Variants in ZNF385D observed in about 807,000 individuals in gnomAD.
ZNF385D encodes zinc finger protein 659.
Under a neutral mutation model 35.8 loss-of-function variants are expected in ZNF385D, and 15 were observed. That is an observed-to-expected ratio of 0.42 (90% CI 0.28 to 0.64). ZNF385D has a LOEUF of 0.64. ZNF385D is among the 30% of genes least tolerant of loss of function. ZNF385D has a pLI of 0.23. For missense variants in ZNF385D, 474 were observed against 494.6 expected (o/e 0.96, Z 0.39); for synonymous variants, 212 against 186.8 (o/e 1.13, Z -1.10).
chr3:21,969,038 G>A (rs1367636611), intron 3 of ZNF385D, among the ~76,000 whole-genome samples: 1 of 152,140 alleles, frequency 6.6e-6, no homozygotes, highest in Non-Finnish European at 1.5e-5. Flanking sequence ...GCTGACTGAA[G>A]AGCCCTTGGG....
chr3:22,370,169 T>C (rs1381964165), intron 2 of ZNF385D, among the ~76,000 whole-genome samples: 1 of 152,168 alleles, frequency 6.6e-6, no homozygotes, highest in African/African-American at 2.4e-5. Flanking sequence ...TTAATGGAAA[T>C]TTAAAATCCT....
chr3:21,945,342 A>T (rs1294880216), intron 3 of ZNF385D, among the ~76,000 whole-genome samples: 1 of 152,032 alleles, frequency 6.6e-6, no homozygotes, highest in African/African-American at 2.4e-5. Flanking sequence ...TTTTTAACCA[A>T]TGTGAATGTT....
chr3:21,913,299 T>C (rs926683596), intron 3 of ZNF385D, among the ~76,000 whole-genome samples: 7 of 152,080 alleles, frequency 4.6e-5, no homozygotes, highest in African/African-American at 1.7e-4. Flanking sequence ...AGTAGAGTAC[T>C]TCTAACTGTA....
At chr3:21,588,614 TAA>T (rs1178781668) in intron 2 of ZNF385D, among the ~76,000 whole-genome samples, 2 of 152,148 alleles carry the variant, frequency 1.3e-5, no homozygotes, top group African/African-American at 2.4e-5. Flanking sequence ...AAATAATTTT[TAA>T]AAGTCTGTTT....
chr3:21,694,811 G>T (rs7628221), intron 1 of ZNF385D, among the ~76,000 whole-genome samples: 2 of 151,640 alleles, frequency 1.3e-5, no homozygotes, highest in East Asian at 1.9e-4. Context: ...GTGTAGTGTC[G>T]GGCCAGTTAT....
At chr3:21,759,342 C>T (rs76342243) in intron 3 of ZNF385D, among the ~76,000 whole-genome samples, 113 of 146,284 alleles carry the variant, frequency 7.7e-4, no homozygotes, top group Middle Eastern at 3.4e-3. Context: ...TCTGGGAGAC[C>T]AAGGACAAAT....
chr3:22,072,554 C>A (rs1700279693), intron 3 of ZNF385D, among the ~76,000 whole-genome samples: 1 of 151,588 alleles, frequency 6.6e-6, no homozygotes, highest in African/African-American at 2.4e-5. Flanking sequence ...TATAGAGTTG[C>A]AATTTTTAGG....
intron 2 of ZNF385D, among the ~76,000 whole-genome samples, chr3:21,632,725 G>A (rs1385632202): frequency 1.3e-5 from 2 of 152,096 alleles, no homozygotes; most frequent in Non-Finnish European, 2.9e-5. Flanking sequence ...CTAATTTGTA[G>A]TGGGTCATAC....
intron 1 of ZNF385D, among the ~76,000 whole-genome samples, chr3:21,676,412 C>T (rs951183008): frequency 2.0e-5 from 3 of 152,014 alleles, no homozygotes; most frequent in African/African-American, 2.4e-5. Context: ...TCTTTTAATT[C>T]TGAAACATTT....
At chr3:21,573,932 C>T (rs935717572) in intron 2 of ZNF385D, among the ~76,000 whole-genome samples, 9 of 151,632 alleles carry the variant, frequency 5.9e-5, no homozygotes, top group South Asian at 4.2e-4. Context: ...TGGTGGCGGG[C>T]GCTTGTAATC....
chr3:21,747,348 A>C (rs544438196), intron 1 of ZNF385D, among the ~76,000 whole-genome samples: 20 of 152,262 alleles, frequency 1.3e-4, no homozygotes, highest in African/African-American at 4.3e-4. Flanking sequence ...GAGTATTCTC[A>C]TGGGGGCAAG....
At chr3:22,062,818 C>T (rs1276122308) in intron 3 of ZNF385D, among the ~76,000 whole-genome samples, 9 of 152,138 alleles carry the variant, frequency 5.9e-5, no homozygotes, top group Non-Finnish European at 1.3e-4. Context: ...TACACACAGC[C>T]ATATGGAAAT....
chr3:21,887,667 T>G (rs1698619040), intron 3 of ZNF385D, among the ~76,000 whole-genome samples: 1 of 152,084 alleles, frequency 6.6e-6, no homozygotes, highest in African/African-American at 2.4e-5. Context: ...AGATGCTACA[T>G]AATATTCCTT....
At chr3:21,877,238 T>C (rs1171223445) in intron 3 of ZNF385D, among the ~76,000 whole-genome samples, 1 of 152,084 alleles carries the variant, frequency 6.6e-6, no homozygotes, top group Admixed American at 6.6e-5. Flanking sequence ...TACCCTGCTT[T>C]GGCTCTGTAT....
At chr3:21,822,934 A>T (rs1366688147) in intron 3 of ZNF385D, among the ~76,000 whole-genome samples, 1 of 152,150 alleles carries the variant, frequency 6.6e-6, no homozygotes, top group Non-Finnish European at 1.5e-5. Context: ...ACTGTAAATT[A>T]AAAAAAGCAA....
intron 3 of ZNF385D, among the ~76,000 whole-genome samples, chr3:22,062,269 G>A (rs781146530): frequency 2.8e-4 from 42 of 151,742 alleles, no homozygotes; most frequent in African/African-American, 7.3e-4. Context: ...TTACCCAGGC[G>A]GACTTAAACT....
At position 21,758,883 on chromosome 3, in the gene ZNF385D, G is replaced by A. The variant is rs918382713; in HGVS notation, c.326-93855C>T. ...TAGATATTATAACCAAAAATAGATG[G>A]ACACCATGTCATAACTTTGGTAGTC... On this transcript the variant is annotated intron_variant, in intron 3 of 5. Coordinates refer to the ZNF385D transcript ENST00000494108. 2.7e-4 allele frequency among the ~76,000 whole-genome samples: 38 copies of A among 142,438 alleles called. 1 individual carries two copies. Among genetic ancestry groups the A allele is most frequent in the African/African-American group, 9.9e-4 (38 of 38,488 alleles). The allele number at this position is 142,438 out of a possible 152,430, so 93.4% of individuals were successfully genotyped here.
intron 3 of ZNF385D, among the ~76,000 whole-genome samples, chr3:22,041,178 T>C (rs183306905): frequency 0.031 from 4,747 of 151,800 alleles, 213 homozygotes; most frequent in African/African-American, 0.096. Flanking sequence ...ATTTTACCCC[T>C]CTCTGGTTCA....
At chr3:21,862,661 G>T (rs1345982976) in intron 3 of ZNF385D, among the ~76,000 whole-genome samples, 1 of 152,180 alleles carries the variant, frequency 6.6e-6, no homozygotes, top group Admixed American at 6.5e-5. Flanking sequence ...AGAACCAATG[G>T]GCCTGGGAGG....
Sources: allele counts gnomAD v4.1 joint callset (sites outside exome capture counted in the v4.1 genomes callset), GRCh38; gene constraint gnomAD v4.1.1; transcripts MANE v1.5; gene names NCBI Gene and HGNC (gene_info 2026-07-23, HGNC 2026-07-21).